The following TRPM1 variants were observed in gnomAD, a reference collection of about 807,000 sequenced individuals.
The protein encoded by TRPM1 is TRPM1-203 APA Isoform, Intron 10.
TRPM1 carries 113 observed loss-of-function variants against 149.4 expected under a neutral mutation model. That is an observed-to-expected ratio of 0.76 (90% CI 0.65 to 0.88). The LOEUF (loss-of-function observed/expected upper bound fraction) is 0.88. Ranked by LOEUF, TRPM1 falls within the 40% of genes least tolerant of loss-of-function variation. The pLI, the probability that TRPM1 is intolerant of heterozygous loss-of-function variation, is 0.00. For missense variants in TRPM1, 1,976 were observed against 2,038.7 expected, an observed-to-expected ratio of 0.97 and a Z score of 0.59; for synonymous variants, 741 against 759.5, an observed-to-expected ratio of 0.98 and a Z score of 0.40.
At chr15:31,134,995 T>C (rs1359006709) in intron 1 of TRPM1, among the ~76,000 whole-genome samples, 1 of 151,358 alleles carries the variant, frequency 6.6e-6, no homozygotes, top group Admixed American at 6.6e-5. Context: ...TGAAACTCCA[T>C]CTCAAAAGGA....
intron 18 of TRPM1, among the ~76,000 whole-genome samples, chr15:31,038,572 C>T (rs1383505475): frequency 6.6e-6 from 1 of 152,070 alleles, no homozygotes; most frequent in African/African-American, 2.4e-5. Flanking sequence ...ATTAACTGGG[C>T]ATGGTGGTGC....
At chr15:31,123,977 A>G (rs980644892) in intron 1 of TRPM1, among the ~76,000 whole-genome samples, 2 of 152,232 alleles carry the variant, frequency 1.3e-5, no homozygotes, top group African/African-American at 4.8e-5. Flanking sequence ...CCTCCAGACA[A>G]TGGAGCATTA....
intron 3 of TRPM1, 58 bp from the exon 4 acceptor site, chr15:31,070,284 T>G: frequency 6.5e-7 from 1 of 1,546,528 alleles, no homozygotes; most frequent in Admixed American, 1.7e-5. Flanking sequence ...TCCCCTTCAT[T>G]AGCAAAAATG....
chr15:31,149,481 T>G (rs1191342178), intron 1 of TRPM1, among the ~76,000 whole-genome samples: 2 of 150,942 alleles, frequency 1.3e-5, no homozygotes, highest in Admixed American at 1.3e-4. Context: ...CCTGGGTCCT[T>G]GGGGTGCATG....
chr15:31,043,028 G>C (rs28520063), intron 16 of TRPM1, among the ~76,000 whole-genome samples: 1 of 152,238 alleles, frequency 6.6e-6, no homozygotes, highest in Non-Finnish European at 1.5e-5. Context: ...AGGACTCTGA[G>C]AGGTTGTGAA....
In TRPM1 at chr15:31,042,882, T is replaced by C. The variant is rs78855046; in HGVS notation, c.1795-639A>G. Among the ~76,000 whole-genome samples the C allele has an allele frequency of 8.8e-3, 1,341 of 152,306 alleles. 20 individuals are homozygous for C. Among genetic ancestry groups the C allele is most frequent in the African/African-American group, 0.031 (1,295 of 41,568 alleles). ...GATTCATAAGAAAGGCAGATCGTGA[T>C]TGGGAAAATTGGCATGAAATATGTG... is the stretch of plus-strand genomic sequence containing the variant. On this transcript the variant is annotated intron_variant, in intron 16 of 27. Coordinates refer to ENST00000256552, the MANE Select transcript of TRPM1 (RefSeq NM_001252024.2).
intron 1 of TRPM1, among the ~76,000 whole-genome samples, chr15:31,088,552 A>C (rs921007687): frequency 6.6e-6 from 1 of 152,206 alleles, no homozygotes; most frequent in Non-Finnish European, 1.5e-5. Flanking sequence ...CACTTGCTGC[A>C]AAAGTCTGCG....
At chr15:31,161,104 G>A in exon 1 of TRPM1, 1 of 779,852 alleles carries the variant, frequency 1.3e-6, no homozygotes, top group South Asian at 1.6e-5. Flanking sequence ...CACGCACTGG[G>A]CGAGGGGGCC....
At position 31,141,408 on chromosome 15, in the gene TRPM1, A is replaced by G. The variant is rs376886076; in HGVS notation, c.54+19498T>C. 5.7e-4 allele frequency among the ~76,000 whole-genome samples: 87 copies of G among 152,306 alleles called. 3 individuals are homozygous for G. In the South Asian group the frequency reaches 0.018, roughly 31 times the overall value. On this transcript the variant is annotated intron_variant, in intron 1 of 26. Transcript: ENST00000542188. ...TTTGGTGAGAAAATTGTAGAAGGAC[A>G]TGAGGATATACCTTTGTTAAAGAAA...
Position 31,002,925 on chromosome 15 carries a change from T to C in TRPM1, c.3775A>G (p.Ile1259Val), listed in dbSNP as rs181507092. 1.9e-6 allele frequency: 3 copies of C among 1,604,534 alleles called. No homozygotes were observed. The highest frequency in any genetic ancestry group is 2.7e-5 in the African/African-American group (2 of 74,522). The change falls in exon 28 of 28, where the codon ATC (isoleucine) becomes GTC (valine). Residue 1259 changes from isoleucine to valine, a missense_variant. This residue lies in a region of TRPM1 where 572 missense variants were observed against 578.9 expected (regional missense o/e 0.99). Coordinates refer to ENST00000256552, the MANE Select transcript of TRPM1 (RefSeq NM_001252024.2). ...MVNALENLAG[I>V]DRSDLIQARS... is the part of the protein sequence containing the mutation. ...GCCTGGATCAGGTCAGACCTGTCGA[T>C]TCCCGCAAGATTTTCAAGAGCATTC...
upstream of TRPM1, among the ~76,000 whole-genome samples, chr15:31,105,437 G>C (rs867597422): frequency 9.3e-3 from 44 of 4,752 alleles, no homozygotes; most frequent in Admixed American, 0.013. Flanking sequence ...GTGTGTCTCT[G>C]TGTGTGTGTG....
intron 1 of TRPM1, among the ~76,000 whole-genome samples, chr15:31,153,168 A>C (rs2036325578): frequency 1.3e-5 from 2 of 152,206 alleles, no homozygotes; most frequent in African/African-American, 4.8e-5. Context: ...TCCCTGATAC[A>C]GGAAAGAATT....
intron 1 of TRPM1, among the ~76,000 whole-genome samples, chr15:31,124,252 T>C (rs2035916027): frequency 6.6e-6 from 1 of 151,754 alleles, no homozygotes; most frequent in African/African-American, 2.4e-5. Context: ...GCCATCGTGC[T>C]CTAGCAGGGA....
chr15:31,031,157 T>G lies in TRPM1; in HGVS notation c.2953A>C (p.Met985Leu), dbSNP rs181499296. 293 of 1,614,198 alleles carry G rather than the reference T, an allele frequency of 1.8e-4. 1 individual carries two copies. The African/African-American group carries it at 3.6e-3, about 20-fold the overall frequency. The change falls in exon 23 of 28, where the codon ATG becomes CTG. Residue 985 changes from methionine (M) to leucine (L), a missense_variant and splice_region_variant. By Grantham distance (15) the Met-to-Leu change is conservative (BLOSUM62 2). Around this residue, in one of 3 missense-constraint regions of TRPM1, gnomAD observed 1,332 missense variants for 1,347.1 expected, o/e 0.99. Transcript: ENST00000256552. ...GPYVMMIGKM[M>L]IDMLYFVVIM... The stretch of plus-strand genomic sequence containing the variant: ...ACCACAAAGTACAGCATGTCGATCA[T>G]CTGAGTAAGGAGAACATTTGTCTCT...
intron 1 of TRPM1, among the ~76,000 whole-genome samples, chr15:31,142,542 A>C (rs1251746485): frequency 6.6e-6 from 1 of 152,180 alleles, no homozygotes; most frequent in Non-Finnish European, 1.5e-5. Flanking sequence ...TCTATTAAAG[A>C]GTTGAGGTTT....
intron 1 of TRPM1, among the ~76,000 whole-genome samples, chr15:31,152,171 G>A (rs2036311536): frequency 6.6e-6 from 1 of 152,172 alleles, no homozygotes; most frequent in African/African-American, 2.4e-5. Context: ...TCAGGCCCTG[G>A]GCCCCATCCC....
chr15:31,028,182 G>T, intron 25 of TRPM1, 150 bp downstream of exon 25: 1 of 888,108 alleles, frequency 1.1e-6, no homozygotes, highest in Non-Finnish European at 1.8e-6. Context: ...GATTAAGTTT[G>T]AACAAAGAGA....
intron 1 of TRPM1, among the ~76,000 whole-genome samples, chr15:31,107,956 CAA>C (rs757171146): frequency 7.3e-5 from 11 of 151,584 alleles, no homozygotes; most frequent in Admixed American, 3.3e-4. Flanking sequence ...CTCCAGGGTT[CAA>C]GTGATTCTCC....
chr15:31,146,553 A>G (rs1022239849), intron 1 of TRPM1, among the ~76,000 whole-genome samples: 3 of 152,222 alleles, frequency 2.0e-5, no homozygotes, highest in African/African-American at 7.2e-5. Flanking sequence ...AAACACGCCA[A>G]TTTCAGTCTT....
Sources: allele counts gnomAD v4.1 joint callset (sites outside exome capture counted in the v4.1 genomes callset), GRCh38; gene constraint gnomAD v4.1.1; regional missense constraint gnomAD v4.1.1; transcripts MANE v1.5; gene names NCBI Gene and HGNC (gene_info 2026-07-23, HGNC 2026-07-21).